Variants in LPAR1 observed in about 807,000 individuals in gnomAD.
LPAR1 encodes LPA receptor 1.
A neutral mutation model predicts 23.8 loss-of-function variants in LPAR1; 5 were observed. The observed-to-expected ratio is 0.21, with a 90% CI of 0.11 to 0.44. The LOEUF (loss-of-function observed/expected upper bound fraction) is 0.44. Ranked by LOEUF, LPAR1 falls within the 20% of genes least tolerant of loss-of-function variation. The pLI, the probability that LPAR1 is intolerant of heterozygous loss-of-function variation, is 0.99. For missense variants in LPAR1, 311 were observed against 482.8 expected (o/e 0.64, Z 3.33); for synonymous variants, 160 against 164.7 (o/e 0.97, Z 0.22).
At position 110,960,606 on chromosome 9, in the gene LPAR1, T is replaced by A. The variant is rs1228364625; in HGVS notation, c.45+11467A>T. 7.2e-5 allele frequency among the ~76,000 whole-genome samples: 11 copies of A among 152,188 alleles called. No individual in the cohort carries two copies. In the South Asian group the frequency reaches 2.3e-3, roughly 31 times the overall value. On this transcript the variant is annotated intron_variant, in intron 4 of 5. Transcript: ENST00000683809. ...GGGTAATGGCTATGTTATTGCATTA[T>A]AACTCCCTGTAAGCATTTCATTTTG...
At chr9:110,953,085 A>C (rs904825549) in intron 4 of LPAR1, among the ~76,000 whole-genome samples, 1 of 152,198 alleles carries the variant, frequency 6.6e-6, no homozygotes, top group Non-Finnish European at 1.5e-5. Flanking sequence ...CCTGGATCCC[A>C]CAGGGTTGCC....
chr9:110,883,807 C>G (rs1041321922), intron 5 of LPAR1, among the ~76,000 whole-genome samples: 1 of 152,194 alleles, frequency 6.6e-6, no homozygotes, highest in East Asian at 1.9e-4. Context: ...TTTCCTGCAG[C>G]CCGCTGACTT....
intron 5 of LPAR1, among the ~76,000 whole-genome samples, chr9:110,914,461 C>T (rs549166395): frequency 7.9e-5 from 12 of 152,246 alleles, no homozygotes; most frequent in African/African-American, 2.2e-4. Context: ...CAGAACAGCA[C>T]GGGAAAGACC....
At chr9:110,966,720 AAAG>A (rs1209061427) in intron 4 of LPAR1, among the ~76,000 whole-genome samples, 6 of 152,198 alleles carry the variant, frequency 3.9e-5, no homozygotes, top group Non-Finnish European at 8.8e-5. Flanking sequence ...AAATACTGAT[AAAG>A]AAGACTCTTG....
intron 5 of LPAR1, among the ~76,000 whole-genome samples, chr9:110,892,946 C>A (rs1051186602): frequency 1.3e-5 from 2 of 152,050 alleles, no homozygotes; most frequent in Non-Finnish European, 2.9e-5. Context: ...CCATGATTGT[C>A]CAGCAATATC....
At chr9:110,907,725 C>A (rs999564979) in intron 5 of LPAR1, among the ~76,000 whole-genome samples, 7 of 152,058 alleles carry the variant, frequency 4.6e-5, no homozygotes. Context: ...CTGTACTAAT[C>A]ATATGTTATC....
chr9:111,006,672 T>A (rs1041169014), intron 2 of LPAR1, among the ~76,000 whole-genome samples: 7 of 152,150 alleles, frequency 4.6e-5, no homozygotes, highest in Non-Finnish European at 8.8e-5. Flanking sequence ...AAGGTATAAA[T>A]CTTTATAGCA....
Position 110,912,717 on chromosome 9 carries a change from A to G in LPAR1, c.793+28704T>C, listed in dbSNP as rs893449601. Among the ~76,000 whole-genome samples the G allele has an allele frequency of 2.0e-5, 3 of 152,112 alleles. 1 individual carries two copies. The highest frequency in any genetic ancestry group is 7.2e-5 in the African/African-American group (3 of 41,428). ...TTGCTGGAGACAGCGTCTCCATATTACAGTTTTTTTCATGACGCAAACAGT... is the reference window on the plus strand; with the variant it reads ...TTGCTGGAGACAGCGTCTCCATATTGCAGTTTTTTTCATGACGCAAACAGT... On this transcript the variant is annotated intron_variant, in intron 5 of 5. Coordinates refer to ENST00000683809, the MANE Select transcript of LPAR1 (RefSeq NM_001351411.2).
intron 4 of LPAR1, among the ~76,000 whole-genome samples, chr9:110,959,439 A>C (rs2095876781): frequency 1.3e-5 from 2 of 151,836 alleles, no homozygotes; most frequent in Non-Finnish European, 2.9e-5. Context: ...AACACGGTGA[A>C]ACCCCGTCTC....
chr9:110,903,882 CAAAAAAAAAA>C lies in LPAR1; in HGVS notation c.794-28170_794-28161del, dbSNP rs61456167. Among the ~76,000 whole-genome samples, 27 of 77,254 alleles carry C rather than the reference CAAAAAAAAAA, an allele frequency of 3.5e-4. 1 individual carries two copies. The highest frequency in any genetic ancestry group is 2.5e-3 in the South Asian group (6 of 2,440). 50.7% of individuals were successfully genotyped at this position (77,254 alleles called of 152,430 possible). Reference sequence around the variant, plus strand: ...AATTAAAATTTTGATAAGTGAATTGCAAAAAAAAAAAAAAAAAAAAAAGTCTTGAAAGCAC... The same window carrying C: ...AATTAAAATTTTGATAAGTGAATTGCAAAAAAAAAAAAGTCTTGAAAGCAC... On this transcript the variant is annotated intron_variant, in intron 5 of 5. Coordinates refer to ENST00000683809, the MANE Select transcript of LPAR1 (RefSeq NM_001351411.2).
chr9:110,962,475 T>C (rs1318261728), intron 4 of LPAR1, among the ~76,000 whole-genome samples: 2 of 152,184 alleles, frequency 1.3e-5, no homozygotes, highest in Non-Finnish European at 2.9e-5. Context: ...TAAGTGCAAA[T>C]GTTTGATATC....
At chr9:111,028,058 G>T (rs999539079) in intron 2 of LPAR1, among the ~76,000 whole-genome samples, 1 of 151,898 alleles carries the variant, frequency 6.6e-6, no homozygotes, top group African/African-American at 2.4e-5. Context: ...TGATACAAAG[G>T]AGAATGCTGT....
chr9:110,961,633 AAAAAAAAG>A (rs2095991238), intron 4 of LPAR1, among the ~76,000 whole-genome samples: 1 of 151,374 alleles, frequency 6.6e-6, no homozygotes, highest in Admixed American at 6.6e-5. Flanking sequence ...AAAAAAAAAA[AAAAAAAAG>A]AAAGAAAGAA....
intron 2 of LPAR1, among the ~76,000 whole-genome samples, chr9:111,020,257 G>T (rs945796474): frequency 2.0e-5 from 3 of 152,218 alleles, no homozygotes; most frequent in African/African-American, 7.2e-5. Context: ...AATACATTTA[G>T]TCATGAGACC....
upstream of LPAR1, chr9:111,038,482 G>T: frequency 2.6e-6 from 1 of 381,698 alleles, no homozygotes; most frequent in Non-Finnish European, 5.2e-6. This position sits in a 1 kb window ranked among gnomAD's most constrained non-coding sequence, Gnocchi z 4.4. Flanking sequence ...CCCGGCTTTG[G>T]CGCGCTGGCA....
At chr9:110,913,597 C>T (rs76455644) in intron 5 of LPAR1, among the ~76,000 whole-genome samples, 8,751 of 151,898 alleles carry the variant, frequency 0.058, 494 homozygotes, top group African/African-American at 0.14. Context: ...TATTACAAAA[C>T]TATGTAATAA....
chr9:111,031,158 C>T (rs1408223737), intron 2 of LPAR1, among the ~76,000 whole-genome samples: 2 of 151,840 alleles, frequency 1.3e-5, no homozygotes, highest in African/African-American at 2.4e-5. Context: ...ATGCAGCTAC[C>T]CTCTCCTGGT....
At chr9:110,923,851 A>T (rs1231278791) in intron 5 of LPAR1, among the ~76,000 whole-genome samples, 6 of 152,226 alleles carry the variant, frequency 3.9e-5, no homozygotes, top group Non-Finnish European at 2.9e-5. Context: ...TGTCTTTTTC[A>T]GCTGTTAGGC....
intron 4 of LPAR1, among the ~76,000 whole-genome samples, chr9:110,969,992 C>A (rs1396814729): frequency 2.0e-5 from 3 of 152,126 alleles, no homozygotes; most frequent in Non-Finnish European, 4.4e-5. Flanking sequence ...GTGACTGTAC[C>A]AATTTACTTT....
Sources: allele counts gnomAD v4.1 joint callset (sites outside exome capture counted in the v4.1 genomes callset), GRCh38; gene constraint gnomAD v4.1.1; non-coding constraint Gnocchi (gnomAD v3.1); transcripts MANE v1.5; gene names NCBI Gene and HGNC (gene_info 2026-07-23, HGNC 2026-07-21).